Variants in RNF169 observed in about 807,000 individuals in gnomAD.
RNF169 encodes E3 ubiquitin-protein ligase RNF169.
A neutral mutation model predicts 53.9 loss-of-function variants in RNF169; 24 were observed. The observed-to-expected ratio is 0.45, with a 90% CI of 0.32 to 0.63. RNF169 has a LOEUF of 0.63. Ranked by LOEUF, RNF169 falls within the 20% of genes least tolerant of loss-of-function variation. The probability of loss-of-function intolerance (pLI) is 0.04; values close to 1 mark genes in which losing one functional copy is unlikely to be tolerated. For missense variants in RNF169, 883 were observed against 906.2 expected (o/e 0.97, Z 0.33); for synonymous variants, 396 against 363.5 (o/e 1.09, Z -1.02).
At chr11:74,822,229 G>A (rs1245231288) in intron 4 of RNF169, among the ~76,000 whole-genome samples, 1 of 152,164 alleles carries the variant, frequency 6.6e-6, no homozygotes, top group African/African-American at 2.4e-5. Context: ...AAGCAATTGA[G>A]CGCATAAGCT....
chr11:74,798,004 G>T (rs1450406966), intron 2 of RNF169, among the ~76,000 whole-genome samples: 1 of 152,166 alleles, frequency 6.6e-6, no homozygotes, highest in African/African-American at 2.4e-5. Flanking sequence ...CAATACCCTT[G>T]TGATTTCCCA....
chr11:74,763,235 C>T (rs1349268529), intron 1 of RNF169, among the ~76,000 whole-genome samples: 12 of 152,144 alleles, frequency 7.9e-5, no homozygotes, highest in Admixed American at 7.9e-4. Flanking sequence ...GGAAAAGACT[C>T]TGAGAGGTAC....
intron 1 of RNF169, among the ~76,000 whole-genome samples, chr11:74,775,160 A>G (rs1244668770): frequency 2.0e-5 from 3 of 152,056 alleles, no homozygotes. Flanking sequence ...GCATATTATC[A>G]TAGTAGAGAG....
intron 1 of RNF169, among the ~76,000 whole-genome samples, chr11:74,779,693 GT>G (rs1372583650): frequency 1.3e-5 from 2 of 152,096 alleles, no homozygotes; most frequent in Non-Finnish European, 2.9e-5. Context: ...ATTTACAATA[GT>G]TTGGTTTTAG....
At chr11:74,797,981 T>C (rs547356508) in intron 2 of RNF169, among the ~76,000 whole-genome samples, 4 of 152,364 alleles carry the variant, frequency 2.6e-5, no homozygotes, top group African/African-American at 7.2e-5. Flanking sequence ...TGGACACTTA[T>C]CACTTCCCCA....
At chr11:74,773,845 G>T (rs915468027) in intron 1 of RNF169, among the ~76,000 whole-genome samples, 3 of 152,114 alleles carry the variant, frequency 2.0e-5, no homozygotes, top group African/African-American at 7.2e-5. Context: ...GAGCTATTTT[G>T]CAGAGTTGTG....
intron 4 of RNF169, among the ~76,000 whole-genome samples, chr11:74,821,654 T>A: frequency 3.2e-5 from 1 of 30,816 alleles, no homozygotes; most frequent in East Asian, 9.3e-4. Flanking sequence ...CGAGACTCCG[T>A]CTCAAAAAAA....
At chr11:74,817,252 G>C (rs909601124) in intron 3 of RNF169, among the ~76,000 whole-genome samples, 2 of 152,128 alleles carry the variant, frequency 1.3e-5, no homozygotes, top group African/African-American at 2.4e-5. Flanking sequence ...CTTTTAATGG[G>C]AGTGACATAA....
At chr11:74,756,197 C>T (rs1392895653) in intron 1 of RNF169, among the ~76,000 whole-genome samples, 1 of 152,166 alleles carries the variant, frequency 6.6e-6, no homozygotes, top group African/African-American at 2.4e-5. Context: ...AAGCATGGTT[C>T]TGTCCCAAAG....
intron 1 of RNF169, among the ~76,000 whole-genome samples, chr11:74,776,552 C>T (rs932917599): frequency 3.5e-5 from 5 of 142,384 alleles, no homozygotes; most frequent in African/African-American, 1.3e-4. Flanking sequence ...CATTGTTTGA[C>T]ACTGAGACAC....
At chr11:74,783,060 C>T (rs116535872) in intron 1 of RNF169, among the ~76,000 whole-genome samples, 1,601 of 152,122 alleles carry the variant, frequency 0.011, 31 homozygotes, top group African/African-American at 0.033. Flanking sequence ...TAAAAACTCA[C>T]GCATACTCAG....
rs1565198103 is a variant in RNF169 at position 74,842,142 on chromosome 11, T to C, written c.*5412T>C. 6.6e-6 allele frequency: 1 copy of C among 152,200 alleles called. No individual in the cohort carries two copies. Among genetic ancestry groups the C allele is most frequent in the Non-Finnish European group, 1.5e-5 (1 of 68,028 alleles). 9.4% of individuals were successfully genotyped at this position (152,200 alleles called of 1,614,324 possible). ...GTTTTATTCAACCTGCTGTCTGCTT[T>C]AGGATTGGAGAAGGTACCTGGATCC... On this transcript the variant is annotated 3_prime_UTR_variant, in exon 6 of 6. Transcript: ENST00000299563.
At chr11:74,806,314 G>C (rs968227847) in intron 2 of RNF169, among the ~76,000 whole-genome samples, 1 of 152,100 alleles carries the variant, frequency 6.6e-6, no homozygotes, top group African/African-American at 2.4e-5. Flanking sequence ...ACATTGAAAT[G>C]GCTAAAATTG....
chr11:74,759,785 T>C (rs1352800763), intron 1 of RNF169, among the ~76,000 whole-genome samples: 1 of 150,702 alleles, frequency 6.6e-6, no homozygotes, highest in Non-Finnish European at 1.5e-5. Flanking sequence ...TTTGGTTGTG[T>C]CTCTGCCCGG....
At position 74,797,055 on chromosome 11, in the gene RNF169, TG is replaced by T. The variant is rs747348195; in HGVS notation, c.576+7359del. 2.1e-3 allele frequency among the ~76,000 whole-genome samples: 325 copies of T among 152,266 alleles called. 1 individual carries two copies. Among genetic ancestry groups the T allele is most frequent in the Non-Finnish European group, 3.0e-3 (205 of 68,008 alleles). On this transcript the variant is annotated intron_variant, in intron 2 of 5. Transcript: ENST00000299563. ...TTCAAGGGGTATTTTCTCCCCATTG[TG>T]GGCTGAATTATTCAAGTAGTAAGCA...
intron 1 of RNF169, 92 bp downstream of exon 1, chr11:74,749,474 C>T (rs976881156): frequency 2.1e-5 from 20 of 945,004 alleles, no homozygotes; most frequent in Non-Finnish European, 2.4e-5. Flanking sequence ...CCGGGCCCTA[C>T]TCGGGCGGGT....
chr11:74,751,462 T>C (rs766454480), intron 1 of RNF169, among the ~76,000 whole-genome samples: 8 of 152,234 alleles, frequency 5.3e-5, no homozygotes, highest in Non-Finnish European at 1.0e-4. Flanking sequence ...CCACATAGGA[T>C]AGAAATTTTC....
rs1460645295 is a variant in RNF169, at chr11:74,787,283, A to T, written c.503-2343A>T. Reference sequence around the variant, plus strand: ...TACACCGGGAAGAGTATTGCTAGTCATGTAACATAAAGCTAATTTTTCTTA... The same window carrying T: ...TACACCGGGAAGAGTATTGCTAGTCTTGTAACATAAAGCTAATTTTTCTTA... On this transcript the variant is annotated intron_variant, in intron 1 of 5. Coordinates refer to ENST00000299563, the MANE Select transcript of RNF169 (RefSeq NM_001098638.2). Among the ~76,000 whole-genome samples the T allele has an allele frequency of 8.1e-4, 123 of 152,344 alleles. 2 individuals are homozygous for T. Among genetic ancestry groups the T allele is most frequent in the Non-Finnish European group, 7.3e-5 (5 of 68,030 alleles).
chr11:74,793,614 G>A (rs1312764865), intron 2 of RNF169, among the ~76,000 whole-genome samples: 2 of 152,214 alleles, frequency 1.3e-5, no homozygotes, highest in Admixed American at 6.5e-5. Flanking sequence ...CCAAGACTGA[G>A]GGGCCTACTA....
Sources: gnomAD v4.1 joint callset for allele counts (sites outside exome capture counted in the v4.1 genomes callset) on GRCh38, gnomAD v4.1.1 for gene constraint, MANE v1.5 for transcripts, NCBI Gene and HGNC (gene_info 2026-07-23, HGNC 2026-07-21) for gene names.